The following TPST1 variants were observed in gnomAD, a reference collection of about 807,000 sequenced individuals.
TPST1 encodes protein-tyrosine sulfotransferase 1.
In TPST1, 20 loss-of-function variants were observed where a neutral mutation model predicts 34.8. The ratio of observed to expected loss-of-function variants is 0.57; its 90% CI spans 0.40 to 0.84. The LOEUF (loss-of-function observed/expected upper bound fraction) is 0.84, where lower values mean the gene tolerates loss of function less well. Ranked by LOEUF, TPST1 falls within the 40% of genes least tolerant of loss-of-function variation. The pLI is 0.00. For missense variants in TPST1, 353 were observed against 455.5 expected (o/e 0.78, Z 2.05); for synonymous variants, 152 against 159.4 (o/e 0.95, Z 0.35).
chr7:66,238,566 A>G (rs532706357), intron 1 of TPST1, among the ~76,000 whole-genome samples: 2 of 152,208 alleles, frequency 1.3e-5, no homozygotes, highest in African/African-American at 2.4e-5. Flanking sequence ...CAGGGTTTCT[A>G]TGTTGTAGTT....
chr7:66,247,649 A>G (rs1411911691), intron 2 of TPST1, among the ~76,000 whole-genome samples: 1 of 152,132 alleles, frequency 6.6e-6, no homozygotes, highest in Non-Finnish European at 1.5e-5. Flanking sequence ...GACTTAGGGA[A>G]TATTGTGCTC....
chr7:66,236,488 A>G (rs1034577045), intron 1 of TPST1, among the ~76,000 whole-genome samples: 8 of 152,182 alleles, frequency 5.3e-5, no homozygotes, highest in South Asian at 4.1e-4. Flanking sequence ...AGGTATATGT[A>G]CTTTATTTAA....
At chr7:66,239,462 T>C (rs1439695508) in intron 1 of TPST1, among the ~76,000 whole-genome samples, 1 of 152,270 alleles carries the variant, frequency 6.6e-6, no homozygotes, top group African/African-American at 2.4e-5. Context: ...GTTACTATAC[T>C]GTTTTCCTTT....
intron 3 of TPST1, among the ~76,000 whole-genome samples, chr7:66,297,114 G>T (rs1791217867): frequency 6.6e-6 from 1 of 152,110 alleles, no homozygotes; most frequent in Admixed American, 6.6e-5. Flanking sequence ...ATGCATGTGT[G>T]CCAGAAGCCT....
At position 66,293,058 on chromosome 7, in the gene TPST1, T is replaced by C. The variant is rs2115969157; in HGVS notation, c.1044+6349T>C. Among the ~76,000 whole-genome samples the C allele has an allele frequency of 2.0e-5, 3 of 151,982 alleles. 1 individual carries two copies. The South Asian group carries it at 6.2e-4, about 32-fold the overall frequency. On this transcript the variant is annotated intron_variant, in intron 3 of 5. Coordinates refer to ENST00000304842, the MANE Select transcript of TPST1 (RefSeq NM_003596.4). ...CTTCTCTACTAAATACACAAAAAAT[T>C]AGCCAGGCGTGGTGGTGGGCGCCTG...
At chr7:66,294,582 T>C (rs998384732) in intron 3 of TPST1, among the ~76,000 whole-genome samples, 3 of 151,784 alleles carry the variant, frequency 2.0e-5, no homozygotes, top group Non-Finnish European at 2.9e-5. Context: ...CAATAATCGC[T>C]ATCCTCTTTA....
intron 3 of TPST1, among the ~76,000 whole-genome samples, chr7:66,312,635 T>C (rs993503555): frequency 2.0e-5 from 3 of 152,158 alleles, no homozygotes; most frequent in Admixed American, 6.6e-5. Flanking sequence ...TGCTAAAGAA[T>C]AGGGAAATTT....
chr7:66,275,177 G>A (rs1208476002), intron 2 of TPST1, among the ~76,000 whole-genome samples: 4 of 152,092 alleles, frequency 2.6e-5, no homozygotes, highest in African/African-American at 9.7e-5. Flanking sequence ...CTGGGTGACA[G>A]AGCGAGACTC....
At chr7:66,299,610 G>A (rs1791274279) in intron 3 of TPST1, among the ~76,000 whole-genome samples, 1 of 151,898 alleles carries the variant, frequency 6.6e-6, no homozygotes, top group Non-Finnish European at 1.5e-5. Flanking sequence ...GTTTTGATTA[G>A]TTTTTATTAG....
intron 1 of TPST1, among the ~76,000 whole-genome samples, chr7:66,206,552 A>C (rs188508458): frequency 1.3e-5 from 2 of 152,266 alleles, no homozygotes; most frequent in African/African-American, 4.8e-5. Context: ...AAGAAGAAAC[A>C]ATTCTGCTAT....
intron 4 of TPST1, among the ~76,000 whole-genome samples, chr7:66,354,256 C>T (rs1026642766): frequency 7.2e-5 from 11 of 152,056 alleles, no homozygotes; most frequent in African/African-American, 1.2e-4. Context: ...AGACTGACAC[C>T]GGCTGTGGAA....
chr7:66,323,322 G>A (rs1791795160), intron 3 of TPST1, among the ~76,000 whole-genome samples: 2 of 152,116 alleles, frequency 1.3e-5, no homozygotes, highest in Non-Finnish European at 2.9e-5. Flanking sequence ...GATTACAGGC[G>A]TGAGCCACCC....
rs188742799 is a variant in TPST1 at position 66,264,489 on chromosome 7, C to T, written c.846-22022C>T. 5.9e-5 allele frequency among the ~76,000 whole-genome samples: 9 copies of T among 152,296 alleles called. No homozygotes were observed. In the East Asian group the frequency reaches 1.7e-3, roughly 29 times the overall value. On this transcript the variant is annotated intron_variant, in intron 2 of 5. Coordinates refer to ENST00000304842, the MANE Select transcript of TPST1 (RefSeq NM_003596.4). ...GGTGTATCCCAAACCTACCCAGAGCCCTTCTGCAAAGACAGACAGGTTTTT... is the reference window on the plus strand; with the variant it reads ...GGTGTATCCCAAACCTACCCAGAGCTCTTCTGCAAAGACAGACAGGTTTTT...
intron 2 of TPST1, among the ~76,000 whole-genome samples, chr7:66,262,647 C>G (rs1181748487): frequency 6.6e-6 from 1 of 152,164 alleles, no homozygotes; most frequent in Non-Finnish European, 1.5e-5. Context: ...TTCCTTCCCA[C>G]TGTTCTCTTC....
intron 3 of TPST1, among the ~76,000 whole-genome samples, chr7:66,305,114 C>T (rs1791396090): frequency 6.6e-6 from 1 of 152,068 alleles, no homozygotes. Flanking sequence ...CCACCGTGCC[C>T]AGCCAGAGTC....
chr7:66,322,604 G>C (rs1416805141), intron 3 of TPST1, among the ~76,000 whole-genome samples: 1 of 152,132 alleles, frequency 6.6e-6, no homozygotes. Context: ...TTGTATGTCT[G>C]TACCACATTT....
intron 3 of TPST1, among the ~76,000 whole-genome samples, chr7:66,302,374 T>C (rs1039729012): frequency 3.3e-5 from 5 of 152,160 alleles, no homozygotes; most frequent in Admixed American, 6.5e-5. Flanking sequence ...ACCTCTGGAT[T>C]GCAACTATAG....
intron 3 of TPST1, among the ~76,000 whole-genome samples, chr7:66,320,014 C>T (rs191379555): frequency 4.6e-5 from 7 of 152,240 alleles, no homozygotes; most frequent in Non-Finnish European, 8.8e-5. Context: ...TGGTAGCACC[C>T]GATCTGGAAG....
chr7:66,251,636 T>C (rs1211272558), intron 2 of TPST1, among the ~76,000 whole-genome samples: 3 of 152,246 alleles, frequency 2.0e-5, no homozygotes, highest in African/African-American at 7.2e-5. Context: ...TTGGGAATGC[T>C]GGCATTACAG....
Sources: allele counts gnomAD v4.1 joint callset (sites outside exome capture counted in the v4.1 genomes callset), GRCh38; gene constraint gnomAD v4.1.1; transcripts MANE v1.5; gene names NCBI Gene and HGNC (gene_info 2026-07-23, HGNC 2026-07-21).